TMCC1: variants seen among roughly 807,000 people sequenced by gnomAD.
TMCC1 encodes the protein transmembrane and coiled-coil domains protein 1.
In TMCC1, 15 loss-of-function variants were observed where a neutral mutation model predicts 52.4. The ratio of observed to expected loss-of-function variants is 0.29; its 90% CI spans 0.19 to 0.44. The LOEUF (loss-of-function observed/expected upper bound fraction) is 0.44. Ranked by LOEUF, TMCC1 falls within the 20% of genes least tolerant of loss-of-function variation. TMCC1 has a pLI of 1.00. For missense variants in TMCC1, 503 were observed against 806.0 expected (o/e 0.62, Z 4.55); for synonymous variants, 279 against 301.9 (o/e 0.92, Z 0.79).
At chr3:129,824,874 C>A (rs1028983077) in intron 4 of TMCC1, among the ~76,000 whole-genome samples, 8 of 152,108 alleles carry the variant, frequency 5.3e-5, no homozygotes, top group Non-Finnish European at 1.0e-4. Context: ...CCCAAGCAAA[C>A]TTCAGATTTT....
intron 4 of TMCC1, among the ~76,000 whole-genome samples, chr3:129,805,769 C>CA (rs1048519866): frequency 6.6e-6 from 1 of 151,380 alleles, no homozygotes; most frequent in African/African-American, 2.4e-5. Context: ...TCCATCTCTA[C>CA]AAAAAAACAA....
In TMCC1 at chr3:129,675,741, A is replaced by T. The variant is rs531829642; in HGVS notation, c.577-4477T>A. On this transcript the variant is annotated intron_variant, in intron 4 of 6. Coordinates refer to ENST00000393238, the MANE Select transcript of TMCC1 (RefSeq NM_001017395.5). ...CTTGGCTAGCTAACCTTCCAATCTTAAAAACAACATTACAGGCTAGGCGCA... is the reference window on the plus strand; with the variant it reads ...CTTGGCTAGCTAACCTTCCAATCTTTAAAACAACATTACAGGCTAGGCGCA... Among the ~76,000 whole-genome samples the T allele has an allele frequency of 2.2e-4, 34 of 152,218 alleles. No homozygotes were observed. In the Middle Eastern group the frequency reaches 0.01, roughly 46 times the overall value.
In TMCC1 at chr3:129,648,416, A is replaced by C. The variant is rs1001978266; in HGVS notation, c.*3065T>G. 7 of 152,268 alleles carry C rather than the reference A, an allele frequency of 4.6e-5. No individual in the cohort carries two copies. Among genetic ancestry groups the C allele is most frequent in the African/African-American group, 1.7e-4 (7 of 41,472 alleles). The allele number at this position is 152,268 out of a possible 1,614,324, so 9.4% of individuals were successfully genotyped here. A position where few individuals can be genotyped will look rare whatever the true frequency, so the allele number is the denominator to read the frequency against. On this transcript the variant is annotated 3_prime_UTR_variant, in exon 7 of 7. Transcript: ENST00000393238. ...CAGAACAGGGGAGAGAGAAGACCCT[A>C]GTCAGTGAAGTATAAAATTTAACCT...
intron 4 of TMCC1, among the ~76,000 whole-genome samples, chr3:129,757,236 A>G (rs143356683): frequency 1.9e-3 from 291 of 152,282 alleles, no homozygotes; most frequent in African/African-American, 6.7e-3. Context: ...ATGAACCTTA[A>G]TAAAGGCACA....
At chr3:129,889,571 G>A (rs2061868869) in intron 1 of TMCC1, among the ~76,000 whole-genome samples, 1 of 152,222 alleles carries the variant, frequency 6.6e-6, no homozygotes, top group South Asian at 2.1e-4. Flanking sequence ...GGATAGGCAG[G>A]AACTCTGCAG....
In TMCC1 at chr3:129,670,510, G is replaced by A. The variant is rs371991848; in HGVS notation, c.1331C>T (p.Ala444Val). Residue 444 changes from alanine (A) to valine (V), a missense_variant, in exon 5 of 7, where the codon GCA (alanine) becomes GTA (valine). This residue lies in a region of TMCC1 where 121 missense variants were observed against 193.6 expected (regional missense o/e 0.62). Coordinates refer to ENST00000393238, the MANE Select transcript of TMCC1 (RefSeq NM_001017395.5). The part of the protein sequence containing the change: ...NSTTGGIAVG[A>V]SSSKTNTLDM... ...CAGGGTGTTTGTTTTGGAGCTGGAT[G>A]CTCCTACAGCGATGCCCCCTGTGGT... 30 of 1,614,084 alleles carry A rather than the reference G, an allele frequency of 1.9e-5. No homozygotes were observed. Among genetic ancestry groups the A allele is most frequent in the Non-Finnish European group, 2.3e-5 (27 of 1,180,036 alleles).
intron 4 of TMCC1, among the ~76,000 whole-genome samples, chr3:129,773,467 G>C (rs1228334079): frequency 6.6e-6 from 1 of 152,112 alleles, no homozygotes; most frequent in Non-Finnish European, 1.5e-5. Flanking sequence ...TTCTCTGAAC[G>C]TACTTTGTTT....
chr3:129,888,423 T>TA (rs2061821622), intron 1 of TMCC1, among the ~76,000 whole-genome samples: 1 of 152,180 alleles, frequency 6.6e-6, no homozygotes, highest in Admixed American at 6.5e-5. Context: ...CAAGCACACC[T>TA]ATCACCCAGA....
intron 4 of TMCC1, among the ~76,000 whole-genome samples, chr3:129,754,503 G>A (rs1161019828): frequency 1.3e-5 from 2 of 152,164 alleles, no homozygotes; most frequent in East Asian, 3.9e-4. Context: ...AATACCGGAG[G>A]AAGGATACGG....
At chr3:129,840,326 C>CAAAAAA (rs368685429) in intron 2 of TMCC1, among the ~76,000 whole-genome samples, 25 of 88,212 alleles carry the variant, frequency 2.8e-4, no homozygotes, top group African/African-American at 9.0e-4. Context: ...GAACCTGTCT[C>CAAAAAA]AAAAAAAAAA....
rs892433877 is a variant in TMCC1 at position 129,828,449 on chromosome 3, T to G, written c.-71A>C. 2 of 1,459,674 alleles carry G rather than the reference T, an allele frequency of 1.4e-6. No homozygotes were observed. The highest frequency in any genetic ancestry group is 2.8e-5 in the African/African-American group (2 of 71,084). The allele number at this position is 1,459,674 out of a possible 1,614,324, so 90.4% of individuals were successfully genotyped here. A position where few individuals can be genotyped will look rare whatever the true frequency, so the allele number is the denominator to read the frequency against. ...AACACACCAAGAGTGTCAAATTAGG[T>G]AGGCATTTGCTTCAACAGTGACTAC... On this transcript the variant is annotated 5_prime_UTR_variant, in exon 4 of 7. Coordinates refer to ENST00000393238, the MANE Select transcript of TMCC1 (RefSeq NM_001017395.5). The surrounding 1 kb of genome is among the most constrained non-coding windows in gnomAD (Gnocchi z 4.1).
intron 2 of TMCC1, among the ~76,000 whole-genome samples, chr3:129,833,589 CAAG>C (rs956295470): frequency 2.6e-5 from 4 of 152,078 alleles, no homozygotes; most frequent in African/African-American, 7.2e-5. Context: ...ACAACAACAA[CAAG>C]AAGAACAAAA....
chr3:129,793,737 C>G (rs2056629272), intron 4 of TMCC1, among the ~76,000 whole-genome samples: 1 of 152,158 alleles, frequency 6.6e-6, no homozygotes, highest in Admixed American at 6.5e-5. Flanking sequence ...AACTTTTCCC[C>G]AAAAGCTGCA....
chr3:129,758,447 G>A (rs951071921), intron 4 of TMCC1, among the ~76,000 whole-genome samples: 1 of 152,202 alleles, frequency 6.6e-6, no homozygotes, highest in Non-Finnish European at 1.5e-5. Flanking sequence ...AAGAAGCAAT[G>A]ACACTCCCGT....
intron 4 of TMCC1, among the ~76,000 whole-genome samples, chr3:129,747,799 T>G (rs762230928): frequency 3.9e-5 from 6 of 152,056 alleles, no homozygotes; most frequent in Non-Finnish European, 8.8e-5. Flanking sequence ...CACAGACCCA[T>G]TCCTTCCCCC....
chr3:129,728,371 C>T (rs1267173437), intron 4 of TMCC1, among the ~76,000 whole-genome samples: 3 of 152,082 alleles, frequency 2.0e-5, no homozygotes, highest in Admixed American at 1.3e-4. Flanking sequence ...CTGCAACCTC[C>T]GCCTCCAGGG....
chr3:129,742,231 T>C (rs1224162103), intron 4 of TMCC1, among the ~76,000 whole-genome samples: 1 of 151,884 alleles, frequency 6.6e-6, no homozygotes, highest in Non-Finnish European at 1.5e-5. Flanking sequence ...AAAATAGATA[T>C]GATCAAAATT....
rs557332012 is a variant in TMCC1, at chr3:129,671,963, G to T, written c.577-699C>A. ...GAGCAAGAAAACTTGAAAACTCAGG[G>T]ACAGGAACAGTAAGAGCTAAGTTAA... On this transcript the variant is annotated intron_variant, in intron 4 of 6. Coordinates refer to ENST00000393238, the MANE Select transcript of TMCC1 (RefSeq NM_001017395.5). Among the ~76,000 whole-genome samples the T allele has an allele frequency of 3.3e-5, 5 of 152,234 alleles. No homozygotes were observed. The East Asian group carries it at 7.7e-4, about 24-fold the overall frequency.
intron 4 of TMCC1, among the ~76,000 whole-genome samples, chr3:129,797,052 G>A (rs578258753): frequency 5.9e-5 from 9 of 152,206 alleles, no homozygotes; most frequent in African/African-American, 1.7e-4. Context: ...TAGGCCAGGC[G>A]CGGTGGCTCA....
Sources: gnomAD v4.1 joint callset for allele counts (sites outside exome capture counted in the v4.1 genomes callset) on GRCh38, gnomAD v4.1.1 for gene constraint, gnomAD v4.1.1 regional missense constraint, Gnocchi (gnomAD v3.1) non-coding constraint, MANE v1.5 for transcripts, NCBI Gene and HGNC (gene_info 2026-07-23, HGNC 2026-07-21) for gene names.